The following ABCA4 variants were observed in gnomAD, a reference collection of about 807,000 sequenced individuals.
The protein encoded by ABCA4 is ATP binding cassette subfamily A member 4.
In ABCA4, 196 loss-of-function variants were observed where a neutral mutation model predicts 263.7. The ratio of observed to expected loss-of-function variants is 0.74; its 90% CI spans 0.66 to 0.84. The LOEUF (loss-of-function observed/expected upper bound fraction) is 0.84. Ranked by LOEUF, ABCA4 falls within the 40% of genes least tolerant of loss-of-function variation. The probability of loss-of-function intolerance (pLI) is 0.00; values close to 1 mark genes in which losing one functional copy is unlikely to be tolerated. For synonymous variants in ABCA4, 1,133 were observed against 1,094.2 expected (o/e 1.04, Z -0.70); for missense variants, 2,792 against 2,855.1 (o/e 0.98, Z 0.50).
intron 1 of ABCA4, among the ~76,000 whole-genome samples, chr1:94,116,566 G>A (rs1662768539): frequency 6.6e-6 from 1 of 152,024 alleles, no homozygotes. Context: ...TTTGGCGGGG[G>A]GCGGGGGCGG....
chr1:93,999,226 A>G (rs1403524058), intron 47 of ABCA4, among the ~76,000 whole-genome samples: 1 of 151,722 alleles, frequency 6.6e-6, no homozygotes, highest in Non-Finnish European at 1.5e-5. Flanking sequence ...TTGTATTTTT[A>G]GTAGAGACAG....
rs546639604 is a variant in ABCA4 at position 94,051,572 on chromosome 1, T to A, written c.2653+61A>T. On this transcript the variant is annotated intron_variant, in intron 17 of 49. Transcript: ENST00000370225. Reference sequence around the variant, plus strand: ...GGGCCACCTCTGTGATCCATATACATCTTGCACAGAGCCCAAGGAGTTGAT... The same window carrying A: ...GGGCCACCTCTGTGATCCATATACAACTTGCACAGAGCCCAAGGAGTTGAT... 4.6e-5 allele frequency: 66 copies of A among 1,431,222 alleles called. 1 individual carries two copies. In the Middle Eastern group the frequency reaches 5.2e-4, roughly 11 times the overall value. 88.7% of individuals were successfully genotyped at this position (1,431,222 alleles called of 1,614,324 possible).
chr1:94,029,355 A>T (rs1660133138), intron 30 of ABCA4, 90 bp downstream of exon 30: 1 of 1,231,100 alleles, frequency 8.1e-7, no homozygotes, highest in Non-Finnish European at 1.1e-6. Flanking sequence ...TTGAAATGTT[A>T]GTTTGTGAGA....
chr1:94,065,479 C>T (rs886931367), intron 11 of ABCA4, among the ~76,000 whole-genome samples: 11 of 152,156 alleles, frequency 7.2e-5, no homozygotes, highest in East Asian at 5.8e-4. Context: ...ATTCATTCGC[C>T]GAAACCTCTC....
Position 94,111,483 on chromosome 1 carries a change from G to C in ABCA4, c.257C>G (p.Thr86Ser). The change falls in exon 3 of 50, where the codon ACC becomes AGC. Residue 86 changes from threonine (T) to serine (S), a missense_variant. By Grantham distance (58) the Thr-to-Ser change is moderately conservative (BLOSUM62 1). Coordinates refer to ENST00000370225, the MANE Select transcript of ABCA4 (RefSeq NM_000350.3). ...CACAATTCCAGGAGATTCTCCTGGG[G>C]TGGGGCTTTGAAAACAGGGATTGTT... ...NVNNPCFQSP[T>S]PGESPGIVSN... 6.2e-7 allele frequency: 1 copy of C among 1,614,150 alleles called. No homozygotes were observed.
In ABCA4 at chr1:94,021,395, GT is replaced by G; in HGVS notation, c.4862del (p.Asn1621ThrfsTer41). On this transcript the variant is annotated frameshift_variant, in exon 35 of 50. Transcript: ENST00000370225. LOFTEE classifies it high-confidence loss of function. ...AGCTGACCAGGGCATGCCAGCCTTTGTTATTAAACCACACCTAGAGGGTGGA... is the reference window on the plus strand; with the variant it reads ...AGCTGACCAGGGCATGCCAGCCTTTGTATTAAACCACACCTAGAGGGTGGA... Reference protein sequence around the residue: ...TEDNIKVWFNNKGWHALVSFL... With the variant: ...TEDNIKVWFNXKGWHALVSFL... 1.2e-6 allele frequency: 2 copies of G among 1,614,220 alleles called. No individual in the cohort carries two copies. Among genetic ancestry groups the G allele is most frequent in the Non-Finnish European group, 1.7e-6 (2 of 1,180,052 alleles).
At chr1:94,003,432 T>C (rs1230540096) in intron 44 of ABCA4, among the ~76,000 whole-genome samples, 2 of 151,958 alleles carry the variant, frequency 1.3e-5, no homozygotes, top group South Asian at 2.1e-4. Context: ...GTTACATATC[T>C]CCAATCTGGA....
chr1:94,098,807 T>C lies in ABCA4; in HGVS notation c.755A>G (p.Lys252Arg). The C allele has an allele frequency of 6.2e-7, 1 of 1,614,158 alleles. No individual in the cohort carries two copies. Among genetic ancestry groups the C allele is most frequent in the Non-Finnish European group, 8.5e-7 (1 of 1,180,012 alleles). The part of the protein sequence containing the change: ...DTLYANVDFF[K>R]LFRVLPTLLD... The stretch of plus-strand genomic sequence containing the variant: ...CCCCTCCCTTACCACACGGAAGAGC[T>C]TGAAGAAGTCCACGTTGGCATACAG... Residue 252 changes from lysine (K) to arginine (R), a missense_variant, in exon 6 of 50, where the codon AAG becomes AGG. By Grantham distance (26) the Lys-to-Arg change is conservative. Transcript: ENST00000370225.
intron 24 of ABCA4, 55 bp from the exon 25 acceptor site, chr1:94,037,405 G>A: frequency 6.5e-7 from 1 of 1,541,860 alleles, no homozygotes; most frequent in East Asian, 2.2e-5. Context: ...CTGGAAGACT[G>A]TGAGGTTACC....
At chr1:94,042,098 C>CAAAAAAAA (rs11334956) in intron 22 of ABCA4, among the ~76,000 whole-genome samples, 48 of 81,102 alleles carry the variant, frequency 5.9e-4, no homozygotes, top group South Asian at 8.9e-4. Flanking sequence ...GATTCTGTCT[C>CAAAAAAAA]AAAAAAAAAA....
At chr1:94,041,556 G>C (rs752389532) in intron 22 of ABCA4, among the ~76,000 whole-genome samples, 154 bp from the exon 23 acceptor site, 2 of 151,898 alleles carry the variant, frequency 1.3e-5, no homozygotes, top group Non-Finnish European at 2.9e-5. Context: ...GCAAATTCCA[G>C]CATATTAGGA....
chr1:94,019,015 C>T (rs796263044), intron 36 of ABCA4, among the ~76,000 whole-genome samples: 36 of 128,326 alleles, frequency 2.8e-4, no homozygotes, highest in African/African-American at 1.1e-3. Flanking sequence ...AGATAAACAA[C>T]CAGGTTTTTT....
chr1:94,078,007 G>T, intron 10 of ABCA4, 120 bp from the exon 11 acceptor site: 1 of 921,972 alleles, frequency 1.1e-6, no homozygotes. Flanking sequence ...GCTCCCTGAA[G>T]AGCTGGTGAG....
chr1:94,067,783 G>A (rs1012241274), intron 11 of ABCA4, among the ~76,000 whole-genome samples: 2 of 152,154 alleles, frequency 1.3e-5, no homozygotes, highest in African/African-American at 4.8e-5. Flanking sequence ...ACTGGTCCAA[G>A]GACTTTACTC....
chr1:94,049,960 G>A (rs1019173393), intron 17 of ABCA4, among the ~76,000 whole-genome samples: 1 of 152,152 alleles, frequency 6.6e-6, no homozygotes, highest in Non-Finnish European at 1.5e-5. Context: ...GGAAGGCAGG[G>A]GCAGGAGGAA....
intron 19 of ABCA4, among the ~76,000 whole-genome samples, chr1:94,046,280 TA>T (rs11289565): frequency 0.044 from 3,369 of 77,068 alleles, 142 homozygotes; most frequent in African/African-American, 0.12. Flanking sequence ...CTGTCTGTAC[TA>T]AAAAAAAAAA....
chr1:94,026,196 T>A (rs1660035201), intron 30 of ABCA4, among the ~76,000 whole-genome samples: 1 of 152,070 alleles, frequency 6.6e-6, no homozygotes, highest in South Asian at 2.1e-4. Flanking sequence ...ATTCTTTCCT[T>A]TTCATACACT....
intron 32 of ABCA4, 40 bp downstream of exon 32, chr1:94,023,346 T>C: frequency 6.5e-7 from 1 of 1,528,746 alleles, no homozygotes. Flanking sequence ...CAACAATGAA[T>C]CAATCTGAGA....
rs540860736 is a variant in ABCA4, at chr1:94,048,805, G to C, written c.2743+63C>G. 121 of 1,501,402 alleles carry C rather than the reference G, an allele frequency of 8.1e-5. 1 individual carries two copies. In the South Asian group the frequency reaches 1.2e-3, roughly 15 times the overall value. 93.0% of individuals were successfully genotyped at this position (1,501,402 alleles called of 1,614,324 possible). A position where few individuals can be genotyped will look rare whatever the true frequency, so the allele number is the denominator to read the frequency against. ...CCTTGCCATGAGATGTTTTGCTCTG[G>C]CCCTCTGCAGTGCTTAGAGCCTTTT... On this transcript the variant is annotated intron_variant, in intron 18 of 49. Coordinates refer to ENST00000370225, the MANE Select transcript of ABCA4 (RefSeq NM_000350.3).
Sources: gnomAD v4.1 joint callset for allele counts (sites outside exome capture counted in the v4.1 genomes callset) on GRCh38, gnomAD v4.1.1 for gene constraint, MANE v1.5 for transcripts, NCBI Gene and HGNC (gene_info 2026-07-23, HGNC 2026-07-21) for gene names.